The following HAUS1 variants were observed in gnomAD, a reference collection of about 807,000 sequenced individuals.
The protein encoded by HAUS1 is HAUS augmin-like complex subunit 1.
HAUS1 carries 25 observed loss-of-function variants against 38.6 expected under a neutral mutation model. That is an observed-to-expected ratio of 0.65 (90% CI 0.47 to 0.91). The LOEUF (loss-of-function observed/expected upper bound fraction) is 0.91. HAUS1 is among the 40% of genes least tolerant of loss of function. The pLI is 0.00. For missense variants in HAUS1, 325 were observed against 328.4 expected, an observed-to-expected ratio of 0.99 and a Z score of 0.08; for synonymous variants, 109 against 112.9, an observed-to-expected ratio of 0.97 and a Z score of 0.22.
At position 46,105,550 on chromosome 18, in the gene HAUS1, ATGTGTGTGTGTGTGTGTGTGTG is replaced by A. The variant is rs34943742; in HGVS notation, c.205+204_205+225del. On this transcript the variant is annotated intron_variant, in intron 2 of 8. Coordinates refer to ENST00000282058, the MANE Select transcript of HAUS1 (RefSeq NM_138443.4). ...TTTATGTTTATATATATGTATATGT[ATGTGTGTGTGTGTGTGTGTGTG>A]TGTGTGTGTGTGTGTGTGTGTATAT... 4 of 270,566 alleles carry A rather than the reference ATGTGTGTGTGTGTGTGTGTGTG, an allele frequency of 1.5e-5. No individual in the cohort carries two copies. In the South Asian group the frequency reaches 1.8e-4, roughly 12 times the overall value. The allele number at this position is 270,566 out of a possible 1,614,324, so 16.8% of individuals were successfully genotyped here. A position where few individuals can be genotyped will look rare whatever the true frequency, so the allele number is the denominator to read the frequency against.
At chr18:46,105,141 G>T in intron 1 of HAUS1, 53 bp from the exon 2 acceptor site, 2 of 1,328,106 alleles carry the variant, frequency 1.5e-6, no homozygotes, top group Admixed American at 2.1e-5. Context: ...TATTCTCATC[G>T]AGCCATTACA....
chr18:46,107,829 G>A (rs1270001681), intron 2 of HAUS1, among the ~76,000 whole-genome samples: 1 of 152,122 alleles, frequency 6.6e-6, no homozygotes, highest in Admixed American at 6.6e-5. Context: ...TGCAGGAATT[G>A]GGAAAGGACA....
rs1190103076 is a variant in HAUS1, at chr18:46,115,814, C to T, written c.206-2367C>T. Reference sequence around the variant, plus strand: ...TAAAACTTTTGTTCTCAAAGGACACCATCAAGAATATGAAAAGACAGGCTG... The same window carrying T: ...TAAAACTTTTGTTCTCAAAGGACACTATCAAGAATATGAAAAGACAGGCTG... On this transcript the variant is annotated intron_variant, in intron 2 of 8. Coordinates refer to ENST00000282058, the MANE Select transcript of HAUS1 (RefSeq NM_138443.4). Among the ~76,000 whole-genome samples the T allele has an allele frequency of 2.6e-5, 4 of 152,016 alleles. No homozygotes were observed. In the East Asian group the frequency reaches 7.7e-4, roughly 29 times the overall value.
At chr18:46,111,518 C>T (rs773164730) in intron 2 of HAUS1, among the ~76,000 whole-genome samples, 2 of 152,076 alleles carry the variant, frequency 1.3e-5, no homozygotes, top group African/African-American at 4.8e-5. Flanking sequence ...GACGGGGTTT[C>T]GCCATGTTGG....
At position 46,124,880 on chromosome 18, in the gene HAUS1, T is replaced by C. The variant is rs1414313049; in HGVS notation, c.725T>C (p.Leu242Ser). The change falls in exon 7 of 9, where the codon TTA becomes TCA. Residue 242 changes from leucine to serine, a missense_variant. By Grantham distance (145) the Leu-to-Ser change is moderately radical. Coordinates refer to ENST00000282058, the MANE Select transcript of HAUS1 (RefSeq NM_138443.4). The part of the protein sequence containing the change: ...IPLKKKLESY[L>S]DLMPNPSLAQ... ...TTGAAGAAAAAATTGGAGTCCTATT[T>C]AGACTTAATGCCGGTAATAATTTTC... is the stretch of plus-strand genomic sequence containing the variant. The C allele has an allele frequency of 6.3e-7, 1 of 1,581,200 alleles. No homozygotes were observed. The highest frequency in any genetic ancestry group is 1.7e-5 in the Admixed American group (1 of 59,190).
At chr18:46,116,542 C>A (rs1911802040) in intron 2 of HAUS1, among the ~76,000 whole-genome samples, 1 of 150,404 alleles carries the variant, frequency 6.6e-6, no homozygotes, top group Non-Finnish European at 1.5e-5. Flanking sequence ...GCCTGGGTGA[C>A]AGAGCAAGAC....
At chr18:46,125,722 C>T in intron 7 of HAUS1, 22 bp from the exon 8 acceptor site, 1 of 1,558,966 alleles carries the variant, frequency 6.4e-7, no homozygotes, top group Non-Finnish European at 8.8e-7. Context: ...ATAACCTTTC[C>T]TTGTTTTATT....
chr18:46,125,278 T>C (rs550786076), intron 7 of HAUS1, among the ~76,000 whole-genome samples: 1 of 149,392 alleles, frequency 6.7e-6, no homozygotes, highest in Non-Finnish European at 1.5e-5. Context: ...AGGCTGGGCA[T>C]GATGGCTTAT....
intron 8 of HAUS1, among the ~76,000 whole-genome samples, chr18:46,127,000 A>G (rs1212967529): frequency 6.6e-6 from 1 of 151,712 alleles, no homozygotes; most frequent in Non-Finnish European, 1.5e-5. Context: ...ACGCCTGGCT[A>G]ATTTTTATAT....
Position 46,123,338 on chromosome 18 carries a change from C to A in HAUS1, c.640C>A (p.His214Asn). The A allele has an allele frequency of 6.2e-7, 1 of 1,612,406 alleles. No homozygotes were observed. Among genetic ancestry groups the A allele is most frequent in the Middle Eastern group, 1.7e-4 (1 of 6,042 alleles). ...CAGAGGCATGGATGCTTCTCTGTCT[C>A]ATCAGTCCTTAGTAGCACTATCAGA... ...SARGMDASLS[H>N]QSLVALSEKL... The change falls in exon 6 of 9, where the codon CAT becomes AAT. Residue 214 changes from histidine to asparagine, a missense_variant. Coordinates refer to ENST00000282058, the MANE Select transcript of HAUS1 (RefSeq NM_138443.4).
chr18:46,109,444 T>C (rs553733897), intron 2 of HAUS1, among the ~76,000 whole-genome samples: 106 of 152,310 alleles, frequency 7.0e-4, no homozygotes, highest in African/African-American at 2.5e-3. Flanking sequence ...CTTTCTGTTA[T>C]TGATTTCTCA....
intron 2 of HAUS1, among the ~76,000 whole-genome samples, chr18:46,113,053 T>A (rs1472639714): frequency 7.5e-6 from 1 of 133,498 alleles, no homozygotes; most frequent in South Asian, 2.1e-4. Flanking sequence ...TATTCCATAT[T>A]ATATATATAA....
At chr18:46,123,160 G>A (rs1247504138) in intron 5 of HAUS1, 139 bp from the exon 6 acceptor site, 3 of 600,018 alleles carry the variant, frequency 5.0e-6, no homozygotes, top group East Asian at 3.0e-5. Context: ...GCAGAGAGCC[G>A]AGATCGCGCC....
chr18:46,106,566 A>G (rs1911488257), intron 2 of HAUS1: 2 of 152,204 alleles, frequency 1.3e-5, no homozygotes, highest in South Asian at 2.1e-4. Context: ...ATCTTTTTAG[A>G]TACGAGAATA....
intron 2 of HAUS1, among the ~76,000 whole-genome samples, chr18:46,107,614 C>T (rs928492157): frequency 6.6e-6 from 1 of 152,270 alleles, no homozygotes; most frequent in East Asian, 1.9e-4. Flanking sequence ...AACTTTATAA[C>T]AAGTGTACAT....
intron 2 of HAUS1, among the ~76,000 whole-genome samples, chr18:46,111,753 C>A (rs566764523): frequency 6.6e-6 from 1 of 151,990 alleles, no homozygotes; most frequent in African/African-American, 2.4e-5. Context: ...CCACTGCACC[C>A]AGCTAATTTC....
At chr18:46,115,487 G>A (rs1255485865) in intron 2 of HAUS1, among the ~76,000 whole-genome samples, 1 of 151,148 alleles carries the variant, frequency 6.6e-6, no homozygotes, top group African/African-American at 2.4e-5. Flanking sequence ...AATTAGCCAG[G>A]GGTGGTGGTG....
intron 8 of HAUS1, among the ~76,000 whole-genome samples, chr18:46,127,127 C>T (rs1272294775): frequency 1.3e-5 from 2 of 151,884 alleles, no homozygotes; most frequent in South Asian, 2.1e-4. Flanking sequence ...AGCCACCGTG[C>T]GCGGCCAAAT....
chr18:46,122,627 G>T (rs769165917), intron 5 of HAUS1, 37 bp downstream of exon 5: 2 of 1,610,118 alleles, frequency 1.2e-6, no homozygotes, highest in South Asian at 2.2e-5. Context: ...AGCTCTCTTC[G>T]GCCTGATTTT....
Sources: allele counts gnomAD v4.1 joint callset (sites outside exome capture counted in the v4.1 genomes callset), GRCh38; gene constraint gnomAD v4.1.1; transcripts MANE v1.5; gene names NCBI Gene and HGNC (gene_info 2026-07-23, HGNC 2026-07-21).